TBC1D5: variants seen among roughly 807,000 people sequenced by gnomAD.
TBC1D5 encodes TBC1 domain family member 5, also known as TBC1 domain family, member 5.
Under a neutral mutation model 100.3 loss-of-function variants are expected in TBC1D5, and 75 were observed. The observed-to-expected ratio is 0.75, with a 90% confidence interval of 0.62 to 0.91. The LOEUF (loss-of-function observed/expected upper bound fraction) is 0.91. Ranked by LOEUF, TBC1D5 falls within the 40% of genes least tolerant of loss-of-function variation. The probability of loss-of-function intolerance (pLI) is 0.00; values close to 1 mark genes in which losing one functional copy is unlikely to be tolerated. For synonymous variants in TBC1D5, 323 were observed against 325.6 expected, an observed-to-expected ratio of 0.99 and a Z score of 0.09; for missense variants, 910 against 942.4, an observed-to-expected ratio of 0.97 and a Z score of 0.45.
chr3:17,734,174 G>A (rs149231396), intron 1 of TBC1D5, among the ~76,000 whole-genome samples: 1 of 152,198 alleles, frequency 6.6e-6, no homozygotes, highest in Non-Finnish European at 1.5e-5. Context: ...AGTATCTAAA[G>A]ATGGAGGACT....
chr3:17,575,095 C>CAGG (rs1237051975), intron 2 of TBC1D5: 1 of 152,142 alleles, frequency 6.6e-6, no homozygotes, highest in Non-Finnish European at 1.5e-5. Context: ...GAGGCCAAGG[C>CAGG]AGGAGGACTG....
intron 13 of TBC1D5, among the ~76,000 whole-genome samples, chr3:17,362,865 C>A (rs990677672): frequency 2.6e-5 from 4 of 152,180 alleles, no homozygotes; most frequent in Admixed American, 2.0e-4. Context: ...CAGTACCCAG[C>A]AGTTTTCCCC....
At chr3:17,295,109 G>A (rs769655702) in intron 14 of TBC1D5, among the ~76,000 whole-genome samples, 7 of 152,214 alleles carry the variant, frequency 4.6e-5, no homozygotes, top group Non-Finnish European at 8.8e-5. Context: ...GTAAAATGAA[G>A]TATGTTTATG....
chr3:17,432,323 T>C (rs1449432090), intron 3 of TBC1D5, among the ~76,000 whole-genome samples: 1 of 152,164 alleles, frequency 6.6e-6, no homozygotes, highest in Non-Finnish European at 1.5e-5. Flanking sequence ...AATGAAATGT[T>C]TTAGTTAACT....
chr3:17,403,178 T>A lies in TBC1D5; in HGVS notation c.509+3A>T. ...AAAGTAACATGTAAATAGTTCTACA[T>A]ACGTTCTTTTGACATCTTGTTCAAT... On this transcript the variant is annotated splice_donor_region_variant and intron_variant, in intron 8 of 21. Transcript: ENST00000253692. The A allele has an allele frequency of 6.3e-7, 1 of 1,579,582 alleles. No homozygotes were observed. Among genetic ancestry groups the A allele is most frequent in the Non-Finnish European group, 8.6e-7 (1 of 1,159,006 alleles).
At chr3:17,693,561 G>C (rs2071507757) in intron 1 of TBC1D5, among the ~76,000 whole-genome samples, 1 of 152,220 alleles carries the variant, frequency 6.6e-6, no homozygotes, top group Admixed American at 6.5e-5. Flanking sequence ...GGCTTCAGTA[G>C]GTAAACAAAG....
chr3:17,245,244 A>C (rs2076640442), intron 16 of TBC1D5, among the ~76,000 whole-genome samples: 1 of 152,176 alleles, frequency 6.6e-6, no homozygotes, highest in African/African-American at 2.4e-5. Flanking sequence ...ATGTTTCTAA[A>C]GTTCTTAATT....
At chr3:17,513,018 A>T (rs1433014348) in intron 2 of TBC1D5, among the ~76,000 whole-genome samples, 1 of 152,164 alleles carries the variant, frequency 6.6e-6, no homozygotes, top group Non-Finnish European at 1.5e-5. Flanking sequence ...TAAAAAATCA[A>T]AGCAATATTT....
intron 13 of TBC1D5, among the ~76,000 whole-genome samples, chr3:17,346,672 T>C (rs2089922841): frequency 1.3e-5 from 2 of 152,182 alleles, no homozygotes; most frequent in African/African-American, 4.8e-5. Context: ...TACATTAATA[T>C]ATAGCTACAT....
intron 16 of TBC1D5, among the ~76,000 whole-genome samples, chr3:17,244,794 T>C (rs1489799489): frequency 6.6e-6 from 1 of 152,092 alleles, no homozygotes; most frequent in Non-Finnish European, 1.5e-5. Context: ...ATCAATCTAT[T>C]TGGAAACTTA....
chr3:17,251,868 G>A (rs995997573), intron 16 of TBC1D5, among the ~76,000 whole-genome samples: 2 of 152,144 alleles, frequency 1.3e-5, no homozygotes, highest in Non-Finnish European at 2.9e-5. Context: ...ACCAGAAATT[G>A]CTGCTATTAA....
At chr3:17,585,488 C>G in intron 2 of TBC1D5, among the ~76,000 whole-genome samples, 1 of 152,142 alleles carries the variant, frequency 6.6e-6, no homozygotes, top group East Asian at 1.9e-4. Flanking sequence ...TACAAAAGAA[C>G]CCAGGAAGGA....
intron 17 of TBC1D5, among the ~76,000 whole-genome samples, chr3:17,221,788 C>T (rs1413712702): frequency 6.6e-6 from 1 of 152,208 alleles, no homozygotes; most frequent in East Asian, 1.9e-4. Context: ...TTGACTTTAG[C>T]CTAGAGAAAC....
intron 2 of TBC1D5, among the ~76,000 whole-genome samples, chr3:17,539,537 T>A (rs1014589920): frequency 6.6e-6 from 1 of 151,914 alleles, no homozygotes; most frequent in African/African-American, 2.4e-5. Context: ...TGATGCTTTC[T>A]TTAGTCAGGC....
intron 13 of TBC1D5, among the ~76,000 whole-genome samples, chr3:17,357,190 T>C (rs1184693787): frequency 6.6e-6 from 1 of 151,394 alleles, no homozygotes; most frequent in Non-Finnish European, 1.5e-5. Context: ...GAAGGAAGGG[T>C]GAAAAAGAAT....
At chr3:17,549,930 AAAT>A (rs538869359) in intron 2 of TBC1D5, among the ~76,000 whole-genome samples, 28 of 150,118 alleles carry the variant, frequency 1.9e-4, no homozygotes, top group Non-Finnish European at 2.2e-4. Context: ...ACTCTGTCTA[AAAT>A]AATAATAATA....
chr3:17,655,140 T>A (rs971362280), intron 1 of TBC1D5, among the ~76,000 whole-genome samples: 4 of 151,754 alleles, frequency 2.6e-5, no homozygotes, highest in African/African-American at 9.7e-5. Flanking sequence ...TTTTGAAGGG[T>A]TTTTTGTGTC....
chr3:17,438,750 T>A (rs2094583263), intron 3 of TBC1D5, among the ~76,000 whole-genome samples: 1 of 152,182 alleles, frequency 6.6e-6, no homozygotes, highest in Admixed American at 6.6e-5. Flanking sequence ...AAAATACAGA[T>A]AACAATTTAG....
At chr3:17,631,152 A>G (rs1025013979) in intron 1 of TBC1D5, among the ~76,000 whole-genome samples, 11 of 152,178 alleles carry the variant, frequency 7.2e-5, no homozygotes, top group African/African-American at 2.7e-4. Context: ...GAACACATGA[A>G]TGTTAAGAAA....
Sources: allele counts gnomAD v4.1 joint callset (sites outside exome capture counted in the v4.1 genomes callset), GRCh38; gene constraint gnomAD v4.1.1; transcripts MANE v1.5; gene names NCBI Gene and HGNC (gene_info 2026-07-23, HGNC 2026-07-21).